The following IQCK variants were observed in gnomAD, a reference collection of about 807,000 sequenced individuals.
IQCK encodes the protein IQ motif containing K.
A neutral mutation model predicts 28.1 loss-of-function variants in IQCK; 29 were observed. The observed-to-expected ratio is 1.03, with a 90% CI of 0.77 to 1.41. The LOEUF is 1.41. Ranked by LOEUF, IQCK falls within the 40% of genes most tolerant of loss-of-function variation. IQCK has a pLI of 0.00. For synonymous variants in IQCK, 113 were observed against 115.1 expected, an observed-to-expected ratio of 0.98 and a Z score of 0.12; for missense variants, 359 against 314.7, an observed-to-expected ratio of 1.14 and a Z score of -1.07.
At chr16:19,759,636 C>G (rs775435379) in intron 4 of IQCK, among the ~76,000 whole-genome samples, 31 of 152,142 alleles carry the variant, frequency 2.0e-4, no homozygotes, top group Non-Finnish European at 3.7e-4. Context: ...GTCTCAGGTG[C>G]TATGACAGAC....
intron 7 of IQCK, among the ~76,000 whole-genome samples, chr16:19,817,660 A>G (rs1401728988): frequency 6.6e-6 from 1 of 151,708 alleles, no homozygotes; most frequent in Non-Finnish European, 1.5e-5. Context: ...TGGAGAGTCA[A>G]ACGATTATAG....
chr16:19,848,219 C>T (rs1302098133), intron 9 of IQCK, among the ~76,000 whole-genome samples: 1 of 152,122 alleles, frequency 6.6e-6, no homozygotes, highest in African/African-American at 2.4e-5. Flanking sequence ...GCTGTCTCAT[C>T]GTGGCTTTAA....
At chr16:19,837,955 T>C (rs1016724916) in intron 9 of IQCK, among the ~76,000 whole-genome samples, 4 of 152,378 alleles carry the variant, frequency 2.6e-5, no homozygotes, top group Admixed American at 2.6e-4. Flanking sequence ...TCAGGGGATC[T>C]GAGTTCCTGT....
intron 7 of IQCK, among the ~76,000 whole-genome samples, chr16:19,817,618 T>TTTG (rs773547662): frequency 1.4e-4 from 22 of 152,076 alleles, no homozygotes; most frequent in Non-Finnish European, 3.1e-4. Context: ...TGTTTCTGTT[T>TTTG]TTGTTGTTGT....
chr16:19,804,623 A>G (rs1323658300), intron 7 of IQCK, among the ~76,000 whole-genome samples: 1 of 151,804 alleles, frequency 6.6e-6, no homozygotes, highest in Non-Finnish European at 1.5e-5. Context: ...TTTTTTAGAG[A>G]CGAGTCTTGC....
At chr16:19,756,852 G>A (rs774312995) in intron 4 of IQCK, among the ~76,000 whole-genome samples, 3 of 149,326 alleles carry the variant, frequency 2.0e-5, no homozygotes, top group South Asian at 2.1e-4. Context: ...AGCTGAGATC[G>A]CGCCACTGCA....
intron 4 of IQCK, among the ~76,000 whole-genome samples, chr16:19,752,771 C>T (rs1188819204): frequency 6.6e-6 from 1 of 152,098 alleles, no homozygotes; most frequent in Non-Finnish European, 1.5e-5. Flanking sequence ...GCCATGTTGG[C>T]CAGGCTGGTC....
intron 1 of IQCK, among the ~76,000 whole-genome samples, chr16:19,726,987 C>T (rs899995628): frequency 4.0e-5 from 6 of 151,502 alleles, no homozygotes; most frequent in Non-Finnish European, 7.4e-5. Flanking sequence ...AAAAATTAGC[C>T]GGGCATGATG....
At chr16:19,736,984 C>CAAAAAAAAA (rs55687544) in intron 4 of IQCK, among the ~76,000 whole-genome samples, 1 of 67,084 alleles carries the variant, frequency 1.5e-5, no homozygotes, top group African/African-American at 4.0e-5. Context: ...CCGGTATTTA[C>CAAAAAAAAA]AAAAAAAAAA....
At chr16:19,806,562 C>T (rs1374812755) in intron 7 of IQCK, among the ~76,000 whole-genome samples, 1 of 151,018 alleles carries the variant, frequency 6.6e-6, no homozygotes, top group African/African-American at 2.4e-5. Context: ...TGGTGGCACA[C>T]ACCTGTAGTC....
At chr16:19,749,062 G>A (rs2054951402) in intron 4 of IQCK, among the ~76,000 whole-genome samples, 2 of 152,142 alleles carry the variant, frequency 1.3e-5, no homozygotes, top group South Asian at 4.1e-4. Flanking sequence ...TTAGAGAACT[G>A]CATTTCTCCT....
chr16:19,856,445 G>A (rs200342306), intron 9 of IQCK, 42 bp from the exon 9 acceptor site: 16 of 1,548,356 alleles, frequency 1.0e-5, no homozygotes, highest in Admixed American at 5.0e-5. Flanking sequence ...GCCTGTCTAC[G>A]TATGTAAATT....
exon 10 of IQCK, chr16:19,856,843 A>C: frequency 3.0e-6 from 1 of 337,366 alleles, no homozygotes; most frequent in Non-Finnish European, 5.4e-6. Flanking sequence ...AAAATGTACA[A>C]TGAACTCTAG....
intron 6 of IQCK, among the ~76,000 whole-genome samples, chr16:19,783,674 C>A (rs532246027): frequency 4.7e-4 from 72 of 152,264 alleles, no homozygotes; most frequent in African/African-American, 1.4e-3. Flanking sequence ...GACTACTCTT[C>A]GAAGAGTAAG....
At chr16:19,765,173 G>C (rs2055212877) in intron 6 of IQCK, among the ~76,000 whole-genome samples, 2 of 141,614 alleles carry the variant, frequency 1.4e-5, no homozygotes, top group Admixed American at 1.4e-4. Flanking sequence ...AGTGAGCCCA[G>C]ATGGCTCCAC....
intron 6 of IQCK, chr16:19,766,232 G>GA (rs1174457415): frequency 6.6e-6 from 1 of 152,270 alleles, no homozygotes; most frequent in African/African-American, 2.4e-5. Flanking sequence ...TGGTGCTGTG[G>GA]AAAAAACAGA....
At chr16:19,743,957 A>G (rs1199422234) in intron 4 of IQCK, among the ~76,000 whole-genome samples, 1 of 152,098 alleles carries the variant, frequency 6.6e-6, no homozygotes, top group Non-Finnish European at 1.5e-5. Context: ...CCAATTACAC[A>G]CACATCTATT....
At position 19,836,615 on chromosome 16, in the gene IQCK, G is replaced by A. The variant is rs2056301220; in HGVS notation, c.802+9478G>A. The stretch of plus-strand genomic sequence containing the variant: ...TGCAACCTCCGCCTCCCGGGTTCAA[G>A]TGATTCTCCTGCCTCAGCCTCCCGA... On this transcript the variant is annotated intron_variant, in intron 9 of 9. Coordinates refer to the IQCK transcript ENST00000320394. Among the ~76,000 whole-genome samples, 5 of 152,308 alleles carry A rather than the reference G, an allele frequency of 3.3e-5. No individual in the cohort carries two copies. The South Asian group carries it at 8.3e-4, about 25-fold the overall frequency.
At chr16:19,854,668 T>G (rs1026248539) in intron 9 of IQCK, among the ~76,000 whole-genome samples, 7 of 152,256 alleles carry the variant, frequency 4.6e-5, no homozygotes, top group Admixed American at 1.3e-4. Context: ...TCCATCTGAC[T>G]GTGCGCACCT....
Sources: gnomAD v4.1 joint callset for allele counts (sites outside exome capture counted in the v4.1 genomes callset) on GRCh38, gnomAD v4.1.1 for gene constraint, MANE v1.5 for transcripts, NCBI Gene and HGNC (gene_info 2026-07-23, HGNC 2026-07-21) for gene names.